Variants in MRPS7 observed in about 807,000 individuals in gnomAD.
MRPS7 encodes the protein small ribosomal subunit protein uS7m.
In MRPS7, 13 loss-of-function variants were observed where a neutral mutation model predicts 26.2. The observed-to-expected ratio is 0.50, with a 90% CI of 0.32 to 0.79. The LOEUF is 0.79. MRPS7 is among the 30% of genes least tolerant of loss of function. The pLI is 0.03. For missense variants in MRPS7, 318 were observed against 312.2 expected (o/e 1.02, Z -0.14); for synonymous variants, 129 against 113.3 (o/e 1.14, Z -0.88).
chr17:75,262,490 CT>C lies in MRPS7; in HGVS notation c.84-6del. On this transcript the variant is annotated splice_region_variant and splice_polypyrimidine_tract_variant and intron_variant, in intron 1 of 4. Transcript: ENST00000245539. ...TTTGCCTGCCTCCTCCTTTCCCCCC[CT>C]CCCAGGCTAACTCAGGTGAGATGGA... The C allele has an allele frequency of 6.2e-7, 1 of 1,612,818 alleles. No homozygotes were observed.
chr17:75,263,570 T>C (rs1297295540), intron 4 of MRPS7, 63 bp downstream of exon 4: 2 of 1,595,286 alleles, frequency 1.3e-6, no homozygotes, highest in South Asian at 1.1e-5. Context: ...TAGGTGGTGC[T>C]TGGGAGTTGG....
At position 75,262,782 on chromosome 17, in the gene MRPS7, C is replaced by T. The variant is rs746493472; in HGVS notation, c.276-22C>T. On this transcript the variant is annotated intron_variant, in intron 2 of 4. Coordinates refer to ENST00000245539, the MANE Select transcript of MRPS7 (RefSeq NM_015971.4). ...TGTGATACAGCCTTGGAGAGCTAAACGTGTTGCTTTTCTCTTTGAAGTAAA... is the reference window on the plus strand; with the variant it reads ...TGTGATACAGCCTTGGAGAGCTAAATGTGTTGCTTTTCTCTTTGAAGTAAA... 7 of 1,613,850 alleles carry T rather than the reference C, an allele frequency of 4.3e-6. No individual in the cohort carries two copies. In the African/African-American group the frequency reaches 8.0e-5, roughly 18 times the overall value.
chr17:75,265,613 T>C (rs976939351), intron 4 of MRPS7, 89 bp from the exon 5 acceptor site: 1 of 1,163,014 alleles, frequency 8.6e-7, no homozygotes, highest in Non-Finnish European at 1.3e-6. Context: ...AGAGGGAACA[T>C]GTGGCTACTC....
At chr17:75,263,700 G>A (rs756630322) in intron 4 of MRPS7, 193 bp downstream of exon 4, 15 of 708,968 alleles carry the variant, frequency 2.1e-5, no homozygotes, top group Non-Finnish European at 3.4e-5. Context: ...GCAACATAGG[G>A]AGATCCCGTC....
chr17:75,265,699 C>G lies in MRPS7; in HGVS notation c.508-3C>G. 1.2e-6 allele frequency: 2 copies of G among 1,613,550 alleles called. No homozygotes were observed. The highest frequency in any genetic ancestry group is 1.7e-6 in the Non-Finnish European group (2 of 1,179,794). On this transcript the variant is annotated splice_polypyrimidine_tract_variant and splice_region_variant and intron_variant, in intron 4 of 4. Coordinates refer to ENST00000245539, the MANE Select transcript of MRPS7 (RefSeq NM_015971.4). ...CAACTTGCCTATGTCCTGTCTCACC[C>G]AGGTCCCTGTACCCCTACCCGACCG... is the stretch of plus-strand genomic sequence containing the variant.
At chr17:75,262,720 C>T in intron 2 of MRPS7, 32 bp downstream of exon 2, 1 of 1,613,860 alleles carries the variant, frequency 6.2e-7, no homozygotes, top group African/African-American at 1.3e-5. Flanking sequence ...GTTACATGGA[C>T]TGGGACTATC....
chr17:75,265,968 T>A lies in MRPS7; in HGVS notation c.*45T>A. 1 of 1,574,836 alleles carries A rather than the reference T, an allele frequency of 6.3e-7. No homozygotes were observed. Among genetic ancestry groups the A allele is most frequent in the Non-Finnish European group, 8.7e-7 (1 of 1,149,230 alleles). On this transcript the variant is annotated 3_prime_UTR_variant, in exon 5 of 5. Coordinates refer to ENST00000245539, the MANE Select transcript of MRPS7 (RefSeq NM_015971.4). ...GGGCCCTCTGCCGCAAGAAACAGTG[T>A]GAGCTACTGCCACGCTGAAAACTAC...
At chr17:75,265,608 G>T in intron 4 of MRPS7, 94 bp from the exon 5 acceptor site, 1 of 1,112,122 alleles carries the variant, frequency 9.0e-7, no homozygotes, top group Non-Finnish European at 1.3e-6. Flanking sequence ...GGTCCAGAGG[G>T]AACATGTGGC....
intron 1 of MRPS7, 73 bp downstream of exon 1, chr17:75,262,056 C>T: frequency 6.5e-7 from 1 of 1,543,558 alleles, no homozygotes; most frequent in South Asian, 1.1e-5. Context: ...CCGCGTGGGC[C>T]CCTAGAGAGA....
chr17:75,264,808 AC>A (rs1173421042), intron 4 of MRPS7, among the ~76,000 whole-genome samples: 1 of 148,712 alleles, frequency 6.7e-6, no homozygotes, highest in Non-Finnish European at 1.5e-5. Flanking sequence ...GTCCCTGCCC[AC>A]CCCAAGTAGC....
intron 4 of MRPS7, chr17:75,264,318 C>T (rs1316647652): frequency 6.6e-6 from 1 of 152,190 alleles, no homozygotes; most frequent in African/African-American, 2.4e-5. Flanking sequence ...CTTCTTCTGT[C>T]AAGCATCCTG....
intron 4 of MRPS7, among the ~76,000 whole-genome samples, chr17:75,265,469 C>T (rs1455733909): frequency 1.3e-5 from 2 of 152,102 alleles, no homozygotes; most frequent in Non-Finnish European, 2.9e-5. Context: ...ACCACAGTGC[C>T]GGGAGAGGCC....
chr17:75,263,009 T>C, intron 3 of MRPS7, 142 bp downstream of exon 3: 3 of 787,874 alleles, frequency 3.8e-6, no homozygotes, highest in South Asian at 3.6e-5. Flanking sequence ...GTACGGGCTT[T>C]AATGAAGCCC....
At chr17:75,263,316 C>G (rs777482854) in intron 3 of MRPS7, 24 bp from the exon 4 acceptor site, 4 of 1,613,692 alleles carry the variant, frequency 2.5e-6, no homozygotes, top group Non-Finnish European at 3.4e-6. Context: ...CTGGGGCAGC[C>G]TCTTCCACCA....
At chr17:75,265,655 C>G (rs1048094483) in intron 4 of MRPS7, 47 bp from the exon 5 acceptor site, 1 of 1,552,290 alleles carries the variant, frequency 6.4e-7, no homozygotes, top group African/African-American at 1.4e-5. Context: ...AGGCCCCAAA[C>G]CCTGGCAGAC....
intron 4 of MRPS7, 112 bp downstream of exon 4, chr17:75,263,619 G>A: frequency 7.3e-7 from 1 of 1,378,484 alleles, no homozygotes; most frequent in Admixed American, 1.9e-5. Flanking sequence ...CAGTGGGATT[G>A]CACCTGTAAT....
rs2077440359 is a variant in MRPS7, at chr17:75,263,428, C to CCAT, written c.430_432dup (p.Ile144dup). 1 of 1,614,030 alleles carries CCAT rather than the reference C, an allele frequency of 6.2e-7. No individual in the cohort carries two copies. Among genetic ancestry groups the CCAT allele is most frequent in the African/African-American group, 1.3e-5 (1 of 74,942 alleles). The stretch of plus-strand genomic sequence containing the variant: ...GCAACCATCGAACGCAACCCCTACA[C>CCAT]CATCTTCCATCAAGCACTGAAAAAC... On this transcript the variant is annotated inframe_insertion, in exon 4 of 5. Transcript: ENST00000245539.
intron 3 of MRPS7, 27 bp downstream of exon 3, chr17:75,262,894 T>A: frequency 6.2e-7 from 1 of 1,610,260 alleles, no homozygotes; most frequent in Non-Finnish European, 8.5e-7. Flanking sequence ...TCCTCAGTCA[T>A]CTTTCTTGCC....
chr17:75,266,152 A>G lies in MRPS7; in HGVS notation c.*229A>G, dbSNP rs1382029778. On this transcript the variant is annotated 3_prime_UTR_variant, in exon 5 of 5. Transcript: ENST00000245539. ...AAAGAGGGAGCACATTGACTTGGGAATTTCCTCCAGGAAACTCAGGGCTGT... is the reference window on the plus strand; with the variant it reads ...AAAGAGGGAGCACATTGACTTGGGAGTTTCCTCCAGGAAACTCAGGGCTGT... 1 of 562,600 alleles carries G rather than the reference A, an allele frequency of 1.8e-6. No individual in the cohort carries two copies. The highest frequency in any genetic ancestry group is 1.9e-5 in the African/African-American group (1 of 53,122). 34.9% of individuals were successfully genotyped at this position (562,600 alleles called of 1,614,324 possible).
Sources: gnomAD v4.1 joint callset for allele counts (sites outside exome capture counted in the v4.1 genomes callset) on GRCh38, gnomAD v4.1.1 for gene constraint, MANE v1.5 for transcripts, NCBI Gene and HGNC (gene_info 2026-07-23, HGNC 2026-07-21) for gene names.